The following PCNX3 variants were observed in gnomAD, a reference collection of about 807,000 sequenced individuals.
PCNX3 encodes the protein pecanex-like protein 3.
In PCNX3, 58 loss-of-function variants were observed where a neutral mutation model predicts 207.2. The ratio of observed to expected loss-of-function variants is 0.28; its 90% CI spans 0.23 to 0.35. The LOEUF is 0.35. Ranked by LOEUF, PCNX3 falls within the 10% of genes least tolerant of loss-of-function variation. The probability of loss-of-function intolerance (pLI) is 1.00; values close to 1 mark genes in which losing one functional copy is unlikely to be tolerated. For missense variants in PCNX3, 2,410 were observed against 2,774.4 expected (o/e 0.87, Z 2.95); for synonymous variants, 1,337 against 1,183.5 (o/e 1.13, Z -2.66).
At chr11:65,633,832 C>G (rs548730780) in intron 27 of PCNX3, among the ~76,000 whole-genome samples, 1 of 152,190 alleles carries the variant, frequency 6.6e-6, no homozygotes, top group Non-Finnish European at 1.5e-5. Context: ...CTCATACAAA[C>G]GGGGCATATT....
In PCNX3 at chr11:65,618,636, G is replaced by T. The variant is rs1010623911; in HGVS notation, c.1274G>T (p.Ser425Ile). The stretch of plus-strand genomic sequence containing the variant: ...GGCTTCTTTGAGGATGAAGACACTA[G>T]TGAGGGCAGTGAACTGAGCCCGGCC... Reference protein sequence around the residue: ...GGGFFEDEDTSEGSELSPASS... With the variant: ...GGGFFEDEDTIEGSELSPASS... The change falls in exon 6 of 35, where the codon AGT (serine) becomes ATT (isoleucine). Residue 425 changes from serine (S) to isoleucine (I), a missense_variant. Physicochemically the swap from Ser to Ile is moderately radical, Grantham distance 142. This residue lies in a region of PCNX3 where 1,104 missense variants were observed against 970.3 expected (regional missense o/e 1.14). Coordinates refer to ENST00000355703, the MANE Select transcript of PCNX3 (RefSeq NM_032223.4). 2 of 1,613,076 alleles carry T rather than the reference G, an allele frequency of 1.2e-6. No homozygotes were observed. The highest frequency in any genetic ancestry group is 3.3e-5 in the Admixed American group (2 of 60,014).
chr11:65,627,235 TC>T (rs776293764), intron 21 of PCNX3, among the ~76,000 whole-genome samples, 169 bp from the exon 22 acceptor site: 8 of 152,046 alleles, frequency 5.3e-5, no homozygotes, highest in Non-Finnish European at 7.4e-5. Context: ...TTCCCACCAC[TC>T]CCTTTGGAAG....
intron 10 of PCNX3, among the ~76,000 whole-genome samples, chr11:65,621,609 T>C (rs980816027): frequency 1.6e-4 from 24 of 152,178 alleles, no homozygotes; most frequent in African/African-American, 5.1e-4. Context: ...CTTGTAACCA[T>C]GTGGGGTGGA....
intron 20 of PCNX3, 173 bp from the exon 21 acceptor site, chr11:65,626,731 G>A: frequency 2.4e-6 from 2 of 833,384 alleles, no homozygotes; most frequent in South Asian, 3.5e-5. Context: ...GTGCCATGTG[G>A]AGCCCTTGCC....
At chr11:65,628,567 T>C in intron 22 of PCNX3, 28 bp from the exon 23 acceptor site, 1 of 1,606,786 alleles carries the variant, frequency 6.2e-7, no homozygotes. Context: ...CTGCATGTCT[T>C]TTTTCTTCTC....
At position 65,625,775 on chromosome 11, in the gene PCNX3, C is replaced by G; in HGVS notation, c.3228+31C>G. ...TGTGGCATGGGCCGCTGCTGCCTCT[C>G]GCTGTCTTGGCGGGAGCCTGCTCAA... On this transcript the variant is annotated intron_variant, in intron 19 of 34. Transcript: ENST00000355703. The surrounding 1 kb of genome is among the most constrained non-coding windows in gnomAD (Gnocchi z 5.6). 6.9e-6 allele frequency: 11 copies of G among 1,602,068 alleles called. No individual in the cohort carries two copies. The highest frequency in any genetic ancestry group is 9.4e-6 in the Non-Finnish European group (11 of 1,176,170).
At chr11:65,620,287 C>G (rs1298947033) in intron 8 of PCNX3, 52 bp from the exon 9 acceptor site, 8 of 1,555,086 alleles carry the variant, frequency 5.1e-6, no homozygotes, top group Non-Finnish European at 7.0e-6. Flanking sequence ...TGAGCCGGGC[C>G]TTGGTGCTTC....
At chr11:65,620,686 G>A in intron 9 of PCNX3, 145 bp from the exon 10 acceptor site, 2 of 1,170,826 alleles carry the variant, frequency 1.7e-6, no homozygotes, top group Non-Finnish European at 2.4e-6. Flanking sequence ...AGGCACTTCT[G>A]CCACCTGACC....
At position 65,635,874 on chromosome 11, in the gene PCNX3, C is replaced by CA. The variant is rs1855812204; in HGVS notation, c.5459+72dup. 2 of 1,503,334 alleles carry CA rather than the reference C, an allele frequency of 1.3e-6. No homozygotes were observed. Among genetic ancestry groups the CA allele is most frequent in the Admixed American group, 4.3e-5 (2 of 47,058 alleles). 93.1% of individuals were successfully genotyped at this position (1,503,334 alleles called of 1,614,324 possible). ...GGTGCAGTACGTCCCTCCTGGGTCTCAGAGGGAGGACGTGCTGGAGCCAGG... is the reference window on the plus strand; with the variant it reads ...GGTGCAGTACGTCCCTCCTGGGTCTCAAGAGGGAGGACGTGCTGGAGCCAGG... On this transcript the variant is annotated intron_variant, in intron 32 of 34. Coordinates refer to ENST00000355703, the MANE Select transcript of PCNX3 (RefSeq NM_032223.4). The surrounding 1 kb of genome is among the most constrained non-coding windows in gnomAD (Gnocchi z 9.9).
Position 65,630,601 on chromosome 11 carries a change from C to T in PCNX3, c.4467C>T (p.Val1489=), listed in dbSNP as rs558616372. 1.0e-5 allele frequency: 16 copies of T among 1,607,124 alleles called. No individual in the cohort carries two copies. The highest frequency in any genetic ancestry group is 1.1e-5 in the Non-Finnish European group (13 of 1,174,696). The part of the protein sequence containing the change: ...DLRKILITYY[V]KSIIYYVSRS... The stretch of plus-strand genomic sequence containing the variant: ...GCAAGATCCTCATCACCTACTATGT[C>T]AAGGTACGGTGGGCAGGTGTGGCCG... Residue 1489 remains valine, a synonymous_variant, in exon 27 of 35, where the codon GTC becomes GTT. Coordinates refer to ENST00000355703, the MANE Select transcript of PCNX3 (RefSeq NM_032223.4).
chr11:65,626,125 G>T (rs528733287), intron 20 of PCNX3, 71 bp downstream of exon 20: 2 of 1,537,356 alleles, frequency 1.3e-6, no homozygotes, highest in East Asian at 4.9e-5. Flanking sequence ...GGGAGCTGTG[G>T]TCCTCTCGGC....
Position 65,630,540 on chromosome 11 carries a change from A to G in PCNX3, c.4406A>G (p.Asn1469Ser). ...YVLEGYSISD[N>S]NAASMLQVFD... ...CTGGAGGGCTATAGCATTAGTGACAATAATGCTGCCTCCATGCTGCAGGTT... is the reference window on the plus strand; with the variant it reads ...CTGGAGGGCTATAGCATTAGTGACAGTAATGCTGCCTCCATGCTGCAGGTT... The change falls in exon 27 of 35, where the codon AAT (asparagine) becomes AGT (serine). Residue 1469 changes from asparagine to serine, a missense_variant. Asn to Ser is a conservative substitution (Grantham distance 46). This residue lies in a region of PCNX3 where 420 missense variants were observed against 705.3 expected (regional missense o/e 0.60). Coordinates refer to ENST00000355703, the MANE Select transcript of PCNX3 (RefSeq NM_032223.4). 1.9e-6 allele frequency: 3 copies of G among 1,613,520 alleles called. No individual in the cohort carries two copies. The highest frequency in any genetic ancestry group is 2.5e-6 in the Non-Finnish European group (3 of 1,179,804).
intron 13 of PCNX3, 44 bp downstream of exon 13, chr11:65,624,005 A>C (rs1370772674): frequency 6.2e-7 from 1 of 1,606,818 alleles, no homozygotes; most frequent in Non-Finnish European, 8.5e-7. Context: ...AGGCCCCGGG[A>C]GGGGCTGAGA....
At position 65,618,790 on chromosome 11, in the gene PCNX3, G is replaced by A. The variant is rs199504950; in HGVS notation, c.1428G>A (p.Glu476=). 3.8e-4 allele frequency: 617 copies of A among 1,611,472 alleles called. 1 individual carries two copies. The African/African-American group carries it at 7.5e-3, about 20-fold the overall frequency. ...RKRRAPHGAE[E]GTAVPPKRPY... Reference sequence around the variant, plus strand: ...GGAGGGCCCCCCATGGGGCTGAGGAGGGAACTGCTGTGCCCCCCAAGCGGC... The same window carrying A: ...GGAGGGCCCCCCATGGGGCTGAGGAAGGAACTGCTGTGCCCCCCAAGCGGC... The change falls in exon 6 of 35, where the codon GAG becomes GAA. Residue 476 remains glutamate, a synonymous_variant. Coordinates refer to ENST00000355703, the MANE Select transcript of PCNX3 (RefSeq NM_032223.4).
Position 65,636,655 on chromosome 11 carries a change from C to T in PCNX3, c.5858C>T (p.Ser1953Leu). The T allele has an allele frequency of 2.5e-6, 4 of 1,583,924 alleles. No homozygotes were observed. The highest frequency in any genetic ancestry group is 3.4e-6 in the Non-Finnish European group (4 of 1,167,668). Reference protein sequence around the residue: ...GLGGSDGEPASGSPKGGTPKS... With the variant: ...GLGGSDGEPALGSPKGGTPKS... ...GGAGGATCTGACGGGGAGCCAGCCT[C>T]AGGGAGCCCCAAAGGAGGTACCCCC... The change falls in exon 34 of 35, where the codon TCA becomes TTA. Residue 1953 changes from serine (S) to leucine (L), a missense_variant. By Grantham distance (145) the Ser-to-Leu change is moderately radical (BLOSUM62 -2). Transcript: ENST00000355703.
At chr11:65,631,524 T>C (rs1457915089) in intron 27 of PCNX3, among the ~76,000 whole-genome samples, 10 of 152,086 alleles carry the variant, frequency 6.6e-5, no homozygotes, top group Admixed American at 5.9e-4. Context: ...CCGGGTGTGA[T>C]GGCGGGCACC....
In PCNX3 at chr11:65,617,152, A is replaced by G. The variant is rs551241730; in HGVS notation, c.342-98A>G. ...TGTCCTGTGTTAGCCCTGGAATTGT[A>G]AAGTGACTTCTGAAAAAGAAGCAGT... On this transcript the variant is annotated intron_variant, in intron 2 of 34. Coordinates refer to ENST00000355703, the MANE Select transcript of PCNX3 (RefSeq NM_032223.4). 12 of 1,411,758 alleles carry G rather than the reference A, an allele frequency of 8.5e-6. No homozygotes were observed. In the East Asian group the frequency reaches 3.0e-4, roughly 35 times the overall value. 87.5% of individuals were successfully genotyped at this position (1,411,758 alleles called of 1,614,324 possible). A position where few individuals can be genotyped will look rare whatever the true frequency, so the allele number is the denominator to read the frequency against.
chr11:65,626,683 G>T, intron 20 of PCNX3: 1 of 607,460 alleles, frequency 1.6e-6, no homozygotes, highest in Non-Finnish European at 2.9e-6. Flanking sequence ...AGACAGCAGA[G>T]CAGAGCACCT....
Position 65,629,427 on chromosome 11 carries a change from G to A in PCNX3, c.4000+12G>A. On this transcript the variant is annotated intron_variant, in intron 25 of 34. Coordinates refer to ENST00000355703, the MANE Select transcript of PCNX3 (RefSeq NM_032223.4). ...GGACAGGAACCCTGGTGTGTACCCA[G>A]CCATCCAAGGGGCTTTAGGGCAGGG... 1.2e-6 allele frequency: 2 copies of A among 1,611,830 alleles called. No individual in the cohort carries two copies. Among genetic ancestry groups the A allele is most frequent in the Admixed American group, 1.7e-5 (1 of 59,752 alleles).
Sources: gnomAD v4.1 joint callset for allele counts (sites outside exome capture counted in the v4.1 genomes callset) on GRCh38, gnomAD v4.1.1 for gene constraint, gnomAD v4.1.1 regional missense constraint, Gnocchi (gnomAD v3.1) non-coding constraint, MANE v1.5 for transcripts, NCBI Gene and HGNC (gene_info 2026-07-23, HGNC 2026-07-21) for gene names.